CSMD1: variants seen among roughly 807,000 people sequenced by gnomAD.
The protein encoded by CSMD1 is CUB and sushi domain-containing protein 1.
In CSMD1, 213 loss-of-function variants were observed where a neutral mutation model predicts 417.5. The ratio of observed to expected loss-of-function variants is 0.51; its 90% CI spans 0.46 to 0.57. The LOEUF (loss-of-function observed/expected upper bound fraction) is 0.57. Among genes scored for constraint, CSMD1 ranks in the 20% least tolerant of loss-of-function variants. The pLI is 0.00. For missense variants in CSMD1, 6,923 were observed against 4,529.7 expected (o/e 1.53, Z -15.17); for synonymous variants, 2,862 against 1,736.8 (o/e 1.65, Z -16.11).
chr8:3,409,400 C>G (rs374337704), intron 13 of CSMD1, 23 bp downstream of exon 13: 48 of 1,587,648 alleles, frequency 3.0e-5, no homozygotes, highest in Non-Finnish European at 4.0e-5. Flanking sequence ...AGGAGGGAGT[C>G]CAGGTCAAGG....
intron 7 of CSMD1, among the ~76,000 whole-genome samples, chr8:3,628,698 G>C (rs1041258887): frequency 2.0e-5 from 3 of 152,002 alleles, no homozygotes; most frequent in African/African-American, 4.8e-5. Context: ...CTCACAGAAA[G>C]AAGTGTAGGC....
At chr8:4,032,261 T>G (rs1167540422) in intron 3 of CSMD1, among the ~76,000 whole-genome samples, 162 bp from the exon 4 acceptor site, 2 of 152,210 alleles carry the variant, frequency 1.3e-5, no homozygotes, top group Admixed American at 1.3e-4. Context: ...GAAAATGTCT[T>G]CAGGTTTTAG....
intron 6 of CSMD1, among the ~76,000 whole-genome samples, chr8:3,709,672 A>C (rs1414733962): frequency 1.9e-5 from 1 of 53,066 alleles, no homozygotes; most frequent in South Asian, 5.8e-4. Context: ...TTTAAATTGC[A>C]GCAGCATGTT....
chr8:4,970,526 G>A (rs1338969420), intron 1 of CSMD1, among the ~76,000 whole-genome samples: 2 of 151,938 alleles, frequency 1.3e-5, no homozygotes, highest in East Asian at 1.9e-4. Context: ...TAAACTATAT[G>A]ATATATTATG....
At chr8:3,382,913 T>G (rs2116781970) in intron 18 of CSMD1, among the ~76,000 whole-genome samples, 1 of 152,254 alleles carries the variant, frequency 6.6e-6, no homozygotes, top group South Asian at 2.1e-4. Flanking sequence ...AAACTAAGAT[T>G]TCTCAAAAAA....
At chr8:4,055,662 T>G (rs1057408283) in intron 3 of CSMD1, among the ~76,000 whole-genome samples, 7 of 152,110 alleles carry the variant, frequency 4.6e-5, no homozygotes, top group Admixed American at 2.6e-4. Context: ...TTAATGTAAT[T>G]ATAAATGCCA....
chr8:3,987,036 T>G (rs75964470), intron 5 of CSMD1, among the ~76,000 whole-genome samples: 1 of 152,302 alleles, frequency 6.6e-6, no homozygotes, highest in East Asian at 1.9e-4. Context: ...ATTACAGACG[T>G]GAATCACCGC....
intron 1 of CSMD1, among the ~76,000 whole-genome samples, chr8:4,861,595 T>C (rs1189399903): frequency 3.3e-5 from 5 of 152,174 alleles, no homozygotes; most frequent in Non-Finnish European, 5.9e-5. Context: ...ACTGAAGTTC[T>C]TTGAACAGAG....
chr8:3,520,039 T>TATATATATGTATATAC (rs545212684), intron 10 of CSMD1, among the ~76,000 whole-genome samples: 3 of 147,110 alleles, frequency 2.0e-5, no homozygotes, highest in Admixed American at 1.4e-4. Context: ...TATATATATA[T>TATATATATGTATATAC]ACACGTATAG....
At chr8:4,186,810 C>T (rs1358988946) in intron 3 of CSMD1, among the ~76,000 whole-genome samples, 1 of 146,946 alleles carries the variant, frequency 6.8e-6, no homozygotes, top group Non-Finnish European at 1.5e-5. Flanking sequence ...TACATGGTGA[C>T]ACCCCGTCTC....
chr8:3,567,942 G>C (rs900889679), intron 10 of CSMD1, among the ~76,000 whole-genome samples: 1 of 152,114 alleles, frequency 6.6e-6, no homozygotes, highest in Non-Finnish European at 1.5e-5. Context: ...ATGGACGCCG[G>C]AGATGGAAAC....
intron 5 of CSMD1, among the ~76,000 whole-genome samples, chr8:3,810,423 T>A (rs1801001724): frequency 6.6e-6 from 1 of 152,072 alleles, no homozygotes; most frequent in Non-Finnish European, 1.5e-5. Context: ...TGTTTTCTTG[T>A]TAAGAAGGGA....
At chr8:3,833,368 T>C (rs1802480442) in intron 5 of CSMD1, among the ~76,000 whole-genome samples, 3 of 152,162 alleles carry the variant, frequency 2.0e-5, no homozygotes, top group Non-Finnish European at 4.4e-5. Flanking sequence ...CGGCATTTCC[T>C]CACCTCCTAA....
chr8:3,633,009 C>G (rs1429315349), intron 7 of CSMD1, among the ~76,000 whole-genome samples: 1 of 152,200 alleles, frequency 6.6e-6, no homozygotes, highest in African/African-American at 2.4e-5. Flanking sequence ...AGATATGTTT[C>G]CTCAGTGAGT....
intron 2 of CSMD1, among the ~76,000 whole-genome samples, chr8:4,532,850 G>A (rs974073412): frequency 5.8e-5 from 6 of 103,710 alleles, no homozygotes; most frequent in Admixed American, 2.1e-4. Flanking sequence ...GAAAAGAAAT[G>A]TTGCACCCCC....
At position 4,109,344 on chromosome 8, in the gene CSMD1, G is replaced by C. The variant is rs143572039; in HGVS notation, c.416-77245C>G. Reference sequence around the variant, plus strand: ...CTCAAAGCTGAGCTATCATTTTCACGAATAAAATCTTATTTCATAGATTTA... The same window carrying C: ...CTCAAAGCTGAGCTATCATTTTCACCAATAAAATCTTATTTCATAGATTTA... On this transcript the variant is annotated intron_variant, in intron 3 of 69. Coordinates refer to ENST00000635120, the MANE Select transcript of CSMD1 (RefSeq NM_033225.6). 4.1e-3 allele frequency among the ~76,000 whole-genome samples: 621 copies of C among 151,960 alleles called. 6 individuals are homozygous for C. The highest frequency in any genetic ancestry group is 0.015 in the African/African-American group (604 of 41,454).
At chr8:3,397,033 C>A (rs540239416) in intron 16 of CSMD1, among the ~76,000 whole-genome samples, 7 of 152,124 alleles carry the variant, frequency 4.6e-5, no homozygotes, top group Non-Finnish European at 1.0e-4. Flanking sequence ...TTTTCTTATG[C>A]TTCCCGAGAA....
At chr8:4,738,648 C>G (rs1321489615) in intron 1 of CSMD1, among the ~76,000 whole-genome samples, 1 of 151,956 alleles carries the variant, frequency 6.6e-6, no homozygotes, top group African/African-American at 2.4e-5. Flanking sequence ...CCAACAGCAT[C>G]GTTTCTGTCA....
chr8:3,630,734 T>G (rs1340760105), intron 7 of CSMD1, among the ~76,000 whole-genome samples: 1 of 150,068 alleles, frequency 6.7e-6, no homozygotes, highest in Non-Finnish European at 1.5e-5. Context: ...GTTGCCTCTC[T>G]GAAGCCACTG....
Sources: gnomAD v4.1 joint callset for allele counts (sites outside exome capture counted in the v4.1 genomes callset) on GRCh38, gnomAD v4.1.1 for gene constraint, MANE v1.5 for transcripts, NCBI Gene and HGNC (gene_info 2026-07-23, HGNC 2026-07-21) for gene names.